The following CTNNA1 variants were observed in gnomAD, a reference collection of about 807,000 sequenced individuals.
CTNNA1 encodes the protein catenin alpha 1.
CTNNA1 carries 37 observed loss-of-function variants against 98.4 expected under a neutral mutation model. That is an observed-to-expected ratio of 0.38 (90% CI 0.29 to 0.49). The LOEUF (loss-of-function observed/expected upper bound fraction) is 0.49, where lower values mean the gene tolerates loss of function less well. Among genes scored for constraint, CTNNA1 ranks in the 20% least tolerant of loss-of-function variants. The pLI, the probability that CTNNA1 is intolerant of heterozygous loss-of-function variation, is 0.95. For synonymous variants in CTNNA1, 404 were observed against 413.2 expected (o/e 0.98, Z 0.27); for missense variants, 761 against 1,147.2 (o/e 0.66, Z 4.86).
intron 7 of CTNNA1, among the ~76,000 whole-genome samples, chr5:138,867,943 G>C (rs753353562): frequency 2.0e-5 from 3 of 151,742 alleles, no homozygotes; most frequent in Non-Finnish European, 2.9e-5. Context: ...GTAGAGACAG[G>C]GTTTCGCCTT....
intron 9 of CTNNA1, 66 bp from the exon 10 acceptor site, chr5:138,904,283 G>A: frequency 4.5e-6 from 7 of 1,539,942 alleles, no homozygotes; most frequent in Non-Finnish European, 5.3e-6. Context: ...GGTAGGGCCA[G>A]GTGTGTGTTT....
intron 3 of CTNNA1, among the ~76,000 whole-genome samples, chr5:138,799,002 A>G (rs201552928): frequency 2.0e-5 from 3 of 151,688 alleles, no homozygotes; most frequent in Admixed American, 1.3e-4. Flanking sequence ...ATTAAAAAAA[A>G]TTTTTTTTGA....
At chr5:138,769,885 C>T (rs1467712427) in intron 1 of CTNNA1, among the ~76,000 whole-genome samples, 1 of 150,436 alleles carries the variant, frequency 6.6e-6, no homozygotes, top group Non-Finnish European at 1.5e-5. Context: ...TCGGTCTTGT[C>T]GTCCAGGCTG....
rs768182139 is a variant in CTNNA1 at position 138,932,927 on chromosome 5, TG to T, written c.2433+217del. The T allele has an allele frequency of 2.0e-5, 16 of 786,670 alleles. No individual in the cohort carries two copies. The highest frequency in any genetic ancestry group is 1.4e-5 in the Non-Finnish European group (6 of 437,554). 48.7% of individuals were successfully genotyped at this position (786,670 alleles called of 1,614,324 possible). On this transcript the variant is annotated intron_variant, in intron 17 of 17. Coordinates refer to ENST00000302763, the MANE Select transcript of CTNNA1 (RefSeq NM_001903.5). Reference sequence around the variant, plus strand: ...CGGGGCACTGCAAGGGCTGAAAGGCTGGCCTCCTCCCCTTTGCTGGCCACTC... The same window carrying T: ...CGGGGCACTGCAAGGGCTGAAAGGCTGCCTCCTCCCCTTTGCTGGCCACTC...
rs1765095247 is a variant in CTNNA1 at position 138,930,635 on chromosome 5, G to A, written c.2173G>A (p.Glu725Lys). The change falls in exon 15 of 18, where the codon GAG (glutamate) becomes AAG (lysine). Residue 725 changes from glutamate to lysine, a missense_variant. By Grantham distance (56) the Glu-to-Lys change is moderately conservative. This residue lies in a region of CTNNA1 where 77 missense variants were observed against 198.8 expected (regional missense o/e 0.39). Coordinates refer to ENST00000302763, the MANE Select transcript of CTNNA1 (RefSeq NM_001903.5). The stretch of plus-strand genomic sequence containing the variant: ...CAAGCAGATGTGCATGATTATGATG[G>A]AGATGACAGACTTTACCCGGTGAGC... ...LAKQMCMIMM[E>K]MTDFTRGKGP... is the part of the protein sequence containing the mutation. The A allele has an allele frequency of 1.9e-6, 3 of 1,613,328 alleles. No homozygotes were observed. Among genetic ancestry groups the A allele is most frequent in the Non-Finnish European group, 1.7e-6 (2 of 1,179,622 alleles).
In CTNNA1 at chr5:138,824,501, C is replaced by G. The variant is rs765069190; in HGVS notation, c.589-29C>G. On this transcript the variant is annotated intron_variant, in intron 5 of 17. Coordinates refer to ENST00000302763, the MANE Select transcript of CTNNA1 (RefSeq NM_001903.5). Reference sequence around the variant, plus strand: ...GAGTAAAGCCCATATAAAGAGTGCTCCAATTTCTTGTTTTATTTACTCTTG... The same window carrying G: ...GAGTAAAGCCCATATAAAGAGTGCTGCAATTTCTTGTTTTATTTACTCTTG... 4 of 1,605,512 alleles carry G rather than the reference C, an allele frequency of 2.5e-6. No homozygotes were observed. The Admixed American group carries it at 5.0e-5, about 20-fold the overall frequency.
At chr5:138,866,273 CATTT>C (rs201730664) in intron 7 of CTNNA1, among the ~76,000 whole-genome samples, 23,170 of 138,380 alleles carry the variant, frequency 0.17, 1,899 homozygotes, top group South Asian at 0.19. Context: ...TGTTGTAACT[CATTT>C]ATTTATTTAT....
At chr5:138,886,785 G>A (rs774834606) in intron 8 of CTNNA1, among the ~76,000 whole-genome samples, 7 of 152,086 alleles carry the variant, frequency 4.6e-5, no homozygotes, top group African/African-American at 1.2e-4. Flanking sequence ...TAGAGAAATC[G>A]AACCTTTTAA....
At chr5:138,898,373 C>A (rs1757358615) in intron 9 of CTNNA1, among the ~76,000 whole-genome samples, 1 of 152,134 alleles carries the variant, frequency 6.6e-6, no homozygotes, top group Non-Finnish European at 1.5e-5. Context: ...CAAGAATGGC[C>A]TAATACAGCC....
Position 138,824,712 on chromosome 5 carries a change from T to C in CTNNA1, c.771T>C (p.Asn257=), listed in dbSNP as rs1581167970. The C allele has an allele frequency of 6.2e-7, 1 of 1,614,220 alleles. No homozygotes were observed. The highest frequency in any genetic ancestry group is 8.5e-7 in the Non-Finnish European group (1 of 1,180,040). The change falls in exon 6 of 18, where the codon AAT becomes AAC. Residue 257 remains asparagine (N), a synonymous_variant. Transcript: ENST00000302763. Reference sequence around the variant, plus strand: ...AGCAGGCGGTCACAGGCATTTCCAATGCAGCCCAGGCCACTGCCTCAGACG... The same window carrying C: ...AGCAGGCGGTCACAGGCATTTCCAACGCAGCCCAGGCCACTGCCTCAGACG... ...QLQQAVTGIS[N]AAQATASDDA...
chr5:138,886,164 G>A (rs1245615554), intron 7 of CTNNA1, 48 bp from the exon 8 acceptor site: 1 of 1,591,578 alleles, frequency 6.3e-7, no homozygotes, highest in Non-Finnish European at 8.6e-7. Context: ...CTATCATTAG[G>A]TTTCTTTGTA....
intron 1 of CTNNA1, among the ~76,000 whole-genome samples, chr5:138,773,076 C>T (rs999570718): frequency 1.3e-5 from 2 of 152,132 alleles, no homozygotes; most frequent in Non-Finnish European, 2.9e-5. Flanking sequence ...TCAAGTAGAA[C>T]ATGTTCTCTT....
chr5:138,888,433 T>G (rs1754570241), intron 9 of CTNNA1, among the ~76,000 whole-genome samples: 1 of 152,258 alleles, frequency 6.6e-6, no homozygotes, highest in Non-Finnish European at 1.5e-5. Context: ...GTAAAGATAT[T>G]CCATATACCA....
chr5:138,912,842 G>C (rs1027959341), intron 10 of CTNNA1, among the ~76,000 whole-genome samples: 3 of 152,046 alleles, frequency 2.0e-5, no homozygotes, highest in Non-Finnish European at 2.9e-5. Context: ...GTCCATTCCT[G>C]TCCCTGTTTT....
At position 138,782,018 on chromosome 5, in the gene CTNNA1, C is replaced by T. The variant is rs1755165834; in HGVS notation, c.94C>T (p.Leu32Phe). The T allele has an allele frequency of 6.2e-7, 1 of 1,609,060 alleles. No individual in the cohort carries two copies. The highest frequency in any genetic ancestry group is 1.1e-5 in the South Asian group (1 of 89,578). The change falls in exon 2 of 18, where the codon CTT becomes TTT. Residue 32 changes from leucine (L) to phenylalanine (F), a missense_variant. By Grantham distance (22) the Leu-to-Phe change is conservative (BLOSUM62 0). Coordinates refer to ENST00000302763, the MANE Select transcript of CTNNA1 (RefSeq NM_001903.5). ...TLAVERLLEP[L>F]VTQVTTLVNT... ...GGCAGTTGAGAGACTGTTGGAGCCTCTTGTTACACAGGTAAGAATCTGAAA... is the reference window on the plus strand; with the variant it reads ...GGCAGTTGAGAGACTGTTGGAGCCTTTTGTTACACAGGTAAGAATCTGAAA...
intron 7 of CTNNA1, among the ~76,000 whole-genome samples, chr5:138,866,273 C>CATTTATTTATTTATTT (rs201730664): frequency 3.0e-4 from 41 of 138,588 alleles, no homozygotes; most frequent in Middle Eastern, 3.6e-3. Flanking sequence ...TGTTGTAACT[C>CATTTATTTATTTATTT]ATTTATTTAT....
At chr5:138,903,184 G>C (rs1206290186) in intron 9 of CTNNA1, among the ~76,000 whole-genome samples, 3 of 152,042 alleles carry the variant, frequency 2.0e-5, no homozygotes, top group African/African-American at 7.2e-5. Context: ...TTCTCCTTGT[G>C]TTTGGGCATT....
At chr5:138,829,948 C>T (rs1458545343) in intron 7 of CTNNA1, among the ~76,000 whole-genome samples, 10 of 151,794 alleles carry the variant, frequency 6.6e-5, no homozygotes, top group Admixed American at 5.2e-4. Flanking sequence ...GGGCAGATCA[C>T]AAGGTCAGGA....
intron 5 of CTNNA1, among the ~76,000 whole-genome samples, chr5:138,819,487 T>G (rs924370973): frequency 1.1e-4 from 17 of 152,174 alleles, no homozygotes; most frequent in African/African-American, 3.9e-4. Flanking sequence ...GGGTACTATG[T>G]CGGCTCAGCC....
Sources: gnomAD v4.1 joint callset for allele counts (sites outside exome capture counted in the v4.1 genomes callset) on GRCh38, gnomAD v4.1.1 for gene constraint, gnomAD v4.1.1 regional missense constraint, MANE v1.5 for transcripts, NCBI Gene and HGNC (gene_info 2026-07-23, HGNC 2026-07-21) for gene names.